Variants in ZNF148 observed in about 807,000 individuals in gnomAD.
ZNF148 encodes Beta-Enolase Repressor Factor-1.
In ZNF148, 7 loss-of-function variants were observed where a neutral mutation model predicts 67.7. The ratio of observed to expected loss-of-function variants is 0.10; its 90% CI spans 0.06 to 0.19. The LOEUF (loss-of-function observed/expected upper bound fraction) is 0.19. Among genes scored for constraint, ZNF148 ranks in the 10% least tolerant of loss-of-function variants. ZNF148 has a pLI of 1.00. For synonymous variants in ZNF148, 333 were observed against 330.7 expected (o/e 1.01, Z -0.08); for missense variants, 583 against 947.1 (o/e 0.62, Z 5.05).
At chr3:125,324,346 T>C (rs1209592359) in intron 2 of ZNF148, among the ~76,000 whole-genome samples, 1 of 152,054 alleles carries the variant, frequency 6.6e-6, no homozygotes, top group Non-Finnish European at 1.5e-5. Context: ...AACATAAAAT[T>C]CTAGTGGCCA....
At chr3:125,254,709 T>C (rs1936994627) in intron 7 of ZNF148, among the ~76,000 whole-genome samples, 1 of 152,162 alleles carries the variant, frequency 6.6e-6, no homozygotes, top group Admixed American at 6.5e-5. Context: ...TTTTTTTCAT[T>C]ATTTTATGTT....
At chr3:125,289,163 G>C (rs1938869296) in intron 4 of ZNF148, among the ~76,000 whole-genome samples, 1 of 152,164 alleles carries the variant, frequency 6.6e-6, no homozygotes, top group South Asian at 2.1e-4. Context: ...AAAGATCCTT[G>C]AGAATAATTC....
At chr3:125,336,604 T>A (rs1941502015) in intron 1 of ZNF148, among the ~76,000 whole-genome samples, 1 of 151,974 alleles carries the variant, frequency 6.6e-6, no homozygotes, top group Admixed American at 6.6e-5. Flanking sequence ...GGCCTAATAG[T>A]ATATTTTTTA....
At chr3:125,335,361 T>TAATTAGA (rs1433309137) in intron 1 of ZNF148, among the ~76,000 whole-genome samples, 1 of 152,078 alleles carries the variant, frequency 6.6e-6, no homozygotes, top group Non-Finnish European at 1.5e-5. Context: ...GAATCACAGA[T>TAATTAGA]AACAAAACAA....
chr3:125,255,870 T>C (rs1937050625), intron 7 of ZNF148, among the ~76,000 whole-genome samples: 2 of 152,128 alleles, frequency 1.3e-5, no homozygotes, highest in Non-Finnish European at 2.9e-5. Flanking sequence ...CTGCCTGTCT[T>C]TAAAATCTTC....
intron 7 of ZNF148, among the ~76,000 whole-genome samples, chr3:125,273,110 G>A (rs1018227872): frequency 6.6e-6 from 1 of 152,210 alleles, no homozygotes; most frequent in Admixed American, 6.5e-5. Flanking sequence ...AATTTTTATC[G>A]ATAACTGAAC....
chr3:125,241,322 T>C (rs1438917575), intron 7 of ZNF148, among the ~76,000 whole-genome samples: 3 of 151,398 alleles, frequency 2.0e-5, no homozygotes, highest in South Asian at 4.2e-4. Context: ...TCTTTCTTTT[T>C]TTTTTTTTTT....
chr3:125,334,072 G>A (rs1417934532), intron 1 of ZNF148, among the ~76,000 whole-genome samples: 1 of 152,058 alleles, frequency 6.6e-6, no homozygotes, highest in Non-Finnish European at 1.5e-5. Context: ...AATATTTAAG[G>A]AAATTTTCTA....
At chr3:125,359,029 A>G (rs1016011829) in intron 1 of ZNF148, among the ~76,000 whole-genome samples, 1 of 152,166 alleles carries the variant, frequency 6.6e-6, no homozygotes, top group African/African-American at 2.4e-5. Context: ...AACCCACACA[A>G]TCCACCCAAA....
intron 5 of ZNF148, among the ~76,000 whole-genome samples, chr3:125,286,517 C>T (rs1471583851): frequency 6.6e-6 from 1 of 152,104 alleles, no homozygotes; most frequent in African/African-American, 2.4e-5. Context: ...TCCAAAAGTT[C>T]ACACCCTTTG....
intron 1 of ZNF148, among the ~76,000 whole-genome samples, chr3:125,374,455 G>T (rs926260687): frequency 1.3e-5 from 2 of 151,814 alleles, no homozygotes; most frequent in African/African-American, 4.8e-5. Context: ...CCTGAGAAAC[G>T]CTTCAGTTCT....
chr3:125,367,935 G>C (rs1372693275), intron 1 of ZNF148, among the ~76,000 whole-genome samples: 1 of 152,210 alleles, frequency 6.6e-6, no homozygotes, highest in Non-Finnish European at 1.5e-5. Context: ...AAACCAGTAG[G>C]AGTAGCTAAA....
intron 1 of ZNF148, among the ~76,000 whole-genome samples, chr3:125,347,952 C>G (rs1213947806): frequency 6.6e-6 from 1 of 152,102 alleles, no homozygotes; most frequent in African/African-American, 2.4e-5. Context: ...CTTCATCATC[C>G]CATATACAAA....
At chr3:125,332,041 A>G (rs1352399324) in intron 1 of ZNF148, among the ~76,000 whole-genome samples, 1 of 152,240 alleles carries the variant, frequency 6.6e-6, no homozygotes, top group Non-Finnish European at 1.5e-5. Flanking sequence ...TACCTTGCAC[A>G]TCAATAAAAG....
intron 1 of ZNF148, among the ~76,000 whole-genome samples, chr3:125,367,362 T>C (rs1238419726): frequency 6.6e-6 from 1 of 152,224 alleles, no homozygotes; most frequent in African/African-American, 2.4e-5. Flanking sequence ...TTCTATCAGA[T>C]ACCACCTTTC....
chr3:125,321,754 G>A (rs992623192), intron 3 of ZNF148, among the ~76,000 whole-genome samples: 4 of 151,930 alleles, frequency 2.6e-5, no homozygotes, highest in Non-Finnish European at 5.9e-5. Flanking sequence ...TACATTTTAT[G>A]CAAATATCAA....
At chr3:125,320,368 T>C (rs1940714964) in intron 3 of ZNF148, among the ~76,000 whole-genome samples, 1 of 152,248 alleles carries the variant, frequency 6.6e-6, no homozygotes, top group South Asian at 2.1e-4. Flanking sequence ...TGCTCTAAAA[T>C]TTTTTAAAGC....
chr3:125,362,402 T>G (rs1247496313), intron 1 of ZNF148, among the ~76,000 whole-genome samples: 2 of 152,176 alleles, frequency 1.3e-5, no homozygotes, highest in East Asian at 3.8e-4. Context: ...CTGTATTTAT[T>G]GCTTCCATAT....
intron 1 of ZNF148, among the ~76,000 whole-genome samples, chr3:125,365,729 G>A (rs1035576527): frequency 5.3e-5 from 8 of 152,164 alleles, no homozygotes; most frequent in African/African-American, 1.9e-4. Flanking sequence ...GAGGCAAGAG[G>A]ATCACTTGAA....
Sources: gnomAD v4.1 joint callset for allele counts (sites outside exome capture counted in the v4.1 genomes callset) on GRCh38, gnomAD v4.1.1 for gene constraint, MANE v1.5 for transcripts, NCBI Gene and HGNC (gene_info 2026-07-23, HGNC 2026-07-21) for gene names.